The following PARD3 variants were observed in gnomAD, a reference collection of about 807,000 sequenced individuals.
The protein encoded by PARD3 is par-3 family cell polarity regulator, also known as partitioning defective 3 homolog.
PARD3 carries 75 observed loss-of-function variants against 155.4 expected under a neutral mutation model. The observed-to-expected ratio is 0.48, with a 90% CI of 0.40 to 0.58. PARD3 has a LOEUF of 0.58. Ranked by LOEUF, PARD3 falls within the 20% of genes least tolerant of loss-of-function variation. PARD3 has a pLI of 0.00. For synonymous variants in PARD3, 576 were observed against 610.5 expected (o/e 0.94, Z 0.83); for missense variants, 1,642 against 1,721.7 (o/e 0.95, Z 0.82).
In PARD3 at chr10:34,337,435, A is replaced by C. The variant is rs1408776578; in HGVS notation, c.2409-9T>G. The C allele has an allele frequency of 2.6e-6, 4 of 1,529,650 alleles. No homozygotes were observed. In the South Asian group the frequency reaches 5.2e-5, roughly 20 times the overall value. The allele number at this position is 1,529,650 out of a possible 1,614,324, so 94.8% of individuals were successfully genotyped here. On this transcript the variant is annotated splice_polypyrimidine_tract_variant and intron_variant, in intron 16 of 24. Transcript: ENST00000374788. ...CATCTGGACTCAAAGAGCTGGAGTGAAGAAAAAATAAAAATAAAAATATTT... is the reference window on the plus strand; with the variant it reads ...CATCTGGACTCAAAGAGCTGGAGTGCAGAAAAAATAAAAATAAAAATATTT...
chr10:34,307,271 A>G (rs941724714), intron 20 of PARD3, among the ~76,000 whole-genome samples: 3 of 152,120 alleles, frequency 2.0e-5, no homozygotes, highest in African/African-American at 7.2e-5. Flanking sequence ...AGGATTCAGG[A>G]CAGTGGTTTA....
chr10:34,689,044 C>T (rs916140538), intron 2 of PARD3, among the ~76,000 whole-genome samples: 1 of 152,156 alleles, frequency 6.6e-6, no homozygotes, highest in Non-Finnish European at 1.5e-5. Context: ...GATCCTATTT[C>T]CCAGGCCAGG....
chr10:34,691,174 G>A (rs1187545342), intron 2 of PARD3, among the ~76,000 whole-genome samples: 4 of 152,174 alleles, frequency 2.6e-5, no homozygotes, highest in African/African-American at 9.7e-5. Context: ...CAGATGATAT[G>A]GTTCTATACC....
intron 22 of PARD3, among the ~76,000 whole-genome samples, chr10:34,244,205 C>T (rs781093648): frequency 4.6e-5 from 7 of 152,092 alleles, no homozygotes; most frequent in Admixed American, 1.3e-4. Context: ...TAGACAATGT[C>T]GAATTACCAG....
intron 22 of PARD3, among the ~76,000 whole-genome samples, chr10:34,225,479 A>G (rs894218517): frequency 2.6e-5 from 4 of 151,796 alleles, no homozygotes; most frequent in African/African-American, 7.3e-5. Context: ...CCAAGTAGCT[A>G]GGACTACAGG....
chr10:34,442,867 G>A (rs11009789), intron 5 of PARD3, among the ~76,000 whole-genome samples: 8,006 of 152,186 alleles, frequency 0.053, 703 homozygotes, highest in African/African-American at 0.18. Context: ...CAAGAACCCA[G>A]CCTCTTAAAG....
intron 3 of PARD3, among the ~76,000 whole-genome samples, chr10:34,488,155 A>T (rs916418316): frequency 2.0e-5 from 3 of 152,172 alleles, no homozygotes; most frequent in African/African-American, 7.2e-5. Flanking sequence ...AAGATTTCAT[A>T]ATTATCCCAG....
At chr10:34,503,038 C>T (rs1292257650) in intron 3 of PARD3, among the ~76,000 whole-genome samples, 1 of 151,654 alleles carries the variant, frequency 6.6e-6, no homozygotes, top group Non-Finnish European at 1.5e-5. Context: ...CCATTCCCAA[C>T]TCCCTTATTC....
intron 23 of PARD3, among the ~76,000 whole-genome samples, chr10:34,119,963 G>A (rs1207274619): frequency 7.0e-6 from 1 of 142,658 alleles, no homozygotes; most frequent in Non-Finnish European, 1.5e-5. Context: ...GCTTTGGCAT[G>A]TGGTTTAAAT....
intron 1 of PARD3, among the ~76,000 whole-genome samples, chr10:34,791,086 C>T (rs1263516334): frequency 6.6e-6 from 1 of 152,232 alleles, no homozygotes; most frequent in African/African-American, 2.4e-5. Context: ...GCTTACTTCT[C>T]TATTCAGTTA....
chr10:34,535,592 T>C (rs769325726), intron 2 of PARD3, among the ~76,000 whole-genome samples: 24 of 152,138 alleles, frequency 1.6e-4, no homozygotes, highest in Non-Finnish European at 3.1e-4. Flanking sequence ...GCTCAAGTGA[T>C]TCTCCTGCCT....
chr10:34,165,437 A>G (rs1949484411), intron 22 of PARD3, among the ~76,000 whole-genome samples: 1 of 152,174 alleles, frequency 6.6e-6, no homozygotes, highest in Non-Finnish European at 1.5e-5. Context: ...AAGAGCCAGA[A>G]CCATGTGTTT....
intron 22 of PARD3, among the ~76,000 whole-genome samples, chr10:34,144,195 T>G (rs10827332): frequency 0.2 from 30,976 of 152,118 alleles, 3,780 homozygotes; most frequent in Middle Eastern, 0.38. Context: ...TTTTGTCAAT[T>G]ACATTTTTTT....
At chr10:34,611,135 T>C (rs983593464) in intron 2 of PARD3, among the ~76,000 whole-genome samples, 3 of 152,174 alleles carry the variant, frequency 2.0e-5, no homozygotes, top group Non-Finnish European at 4.4e-5. Flanking sequence ...ATCATGCACC[T>C]TGAGTGAGGC....
intron 2 of PARD3, among the ~76,000 whole-genome samples, chr10:34,602,624 C>T (rs2089890247): frequency 6.6e-6 from 1 of 152,254 alleles, no homozygotes; most frequent in South Asian, 2.1e-4. Flanking sequence ...CTCAACAACA[C>T]AGATGAATCT....
intron 7 of PARD3, among the ~76,000 whole-genome samples, chr10:34,385,401 G>C (rs1842255463): frequency 6.6e-6 from 1 of 152,162 alleles, no homozygotes; most frequent in Admixed American, 6.5e-5. Context: ...CTCCCAAAGT[G>C]CTGGGATTAC....
At chr10:34,469,107 C>T (rs1466887966) in intron 4 of PARD3, among the ~76,000 whole-genome samples, 2 of 152,082 alleles carry the variant, frequency 1.3e-5, no homozygotes, top group Non-Finnish European at 2.9e-5. Flanking sequence ...TGACAAAGAG[C>T]ATCAACATTT....
Position 34,814,833 on chromosome 10 carries a change from C to T in PARD3, c.120+43G>A, listed in dbSNP as rs565630380. ...AGCGCCATATTGATCCCGGCGCCGT[C>T]CCCGCCGCCGCCCCCTCCCCGCCCG... On this transcript the variant is annotated intron_variant, in intron 1 of 24. Coordinates refer to ENST00000374788, the MANE Select transcript of PARD3 (RefSeq NM_001184785.2). 9.8e-5 allele frequency: 106 copies of T among 1,079,180 alleles called. 1 individual carries two copies. In the Middle Eastern group the frequency reaches 2.7e-3, roughly 28 times the overall value. The allele number at this position is 1,079,180 out of a possible 1,614,324, so 66.9% of individuals were successfully genotyped here. A position where few individuals can be genotyped will look rare whatever the true frequency, so the allele number is the denominator to read the frequency against.
At chr10:34,306,611 C>T (rs1957421911) in intron 20 of PARD3, among the ~76,000 whole-genome samples, 1 of 150,724 alleles carries the variant, frequency 6.6e-6, no homozygotes, top group South Asian at 2.1e-4. Flanking sequence ...ATCGTGCCGT[C>T]GCACTCCAGC....
Sources: allele counts gnomAD v4.1 joint callset (sites outside exome capture counted in the v4.1 genomes callset), GRCh38; gene constraint gnomAD v4.1.1; transcripts MANE v1.5; gene names NCBI Gene and HGNC (gene_info 2026-07-23, HGNC 2026-07-21).